PCSK5: variants seen among roughly 807,000 people sequenced by gnomAD.
PCSK5 encodes the protein proprotein convertase subtilisin/kexin type 5.
PCSK5 carries 129 observed loss-of-function variants against 233.2 expected under a neutral mutation model. That is an observed-to-expected ratio of 0.55 (90% CI 0.48 to 0.64). The LOEUF (loss-of-function observed/expected upper bound fraction) is 0.64, where lower values mean the gene tolerates loss of function less well. Among genes scored for constraint, PCSK5 ranks in the 30% least tolerant of loss-of-function variants. PCSK5 has a pLI of 0.00. For synonymous variants in PCSK5, 825 were observed against 879.2 expected (o/e 0.94, Z 1.09); for missense variants, 2,076 against 2,430.1 (o/e 0.85, Z 3.06).
chr9:76,336,136 T>C (rs1254308962), intron 34 of PCSK5, among the ~76,000 whole-genome samples: 1 of 152,158 alleles, frequency 6.6e-6, no homozygotes, highest in Non-Finnish European at 1.5e-5. Context: ...CACATAGTAG[T>C]CATTGTTCTT....
At chr9:76,053,834 A>T (rs1376520353) in intron 5 of PCSK5, among the ~76,000 whole-genome samples, 1 of 152,208 alleles carries the variant, frequency 6.6e-6, no homozygotes, top group Non-Finnish European at 1.5e-5. Context: ...ATACAGTTCC[A>T]AAGTCACTTC....
At position 76,071,619 on chromosome 9, in the gene PCSK5, G is replaced by A. The variant is rs565404384; in HGVS notation, c.722-107G>A. The A allele has an allele frequency of 4.8e-5, 43 of 900,412 alleles. No individual in the cohort carries two copies. The South Asian group carries it at 7.1e-4, about 15-fold the overall frequency. The allele number at this position is 900,412 out of a possible 1,614,324, so 55.8% of individuals were successfully genotyped here. A position where few individuals can be genotyped will look rare whatever the true frequency, so the allele number is the denominator to read the frequency against. On this transcript the variant is annotated intron_variant, in intron 6 of 37. Transcript: ENST00000674117. ...GCTGGGGGAAGATATGCTCACTTAA[G>A]TGTTGATTAAAAATGTATTCTTCCC... is the stretch of plus-strand genomic sequence containing the variant.
chr9:76,333,103 A>G (rs970493408), intron 34 of PCSK5, among the ~76,000 whole-genome samples: 8 of 152,224 alleles, frequency 5.3e-5, no homozygotes, highest in African/African-American at 1.9e-4. Flanking sequence ...ACTTGAACCC[A>G]GGAGTTGGAG....
intron 24 of PCSK5, among the ~76,000 whole-genome samples, chr9:76,253,236 C>T (rs1223798842): frequency 1.3e-5 from 2 of 150,832 alleles, no homozygotes; most frequent in East Asian, 3.9e-4. Flanking sequence ...CAGGATGCCT[C>T]TTCTTCTTCT....
chr9:75,913,396 T>C (rs968641667), intron 1 of PCSK5, among the ~76,000 whole-genome samples: 1 of 152,248 alleles, frequency 6.6e-6, no homozygotes, highest in Non-Finnish European at 1.5e-5. Context: ...GCCACACATA[T>C]ATGAGTATTT....
chr9:76,292,467 A>T (rs1399849400), intron 25 of PCSK5, among the ~76,000 whole-genome samples, 192 bp downstream of exon 25: 1 of 152,210 alleles, frequency 6.6e-6, no homozygotes, highest in African/African-American at 2.4e-5. Context: ...AAAGGAGGCC[A>T]TCTCTTTCTT....
intron 2 of PCSK5, among the ~76,000 whole-genome samples, chr9:75,962,125 C>A (rs1162277778): frequency 6.6e-5 from 1 of 15,084 alleles, no homozygotes; most frequent in Non-Finnish European, 1.5e-4. Context: ...GCTCAAGTAA[C>A]TGGGGGAGGG....
intron 8 of PCSK5, 90 bp from the exon 9 acceptor site, chr9:76,107,161 C>T (rs896447381): frequency 1.5e-6 from 1 of 676,192 alleles, no homozygotes; most frequent in Non-Finnish European, 2.5e-6. Flanking sequence ...TAACATATAC[C>T]CCCATTCTAT....
chr9:75,953,646 C>CTGTGTG (rs34234415), intron 2 of PCSK5, among the ~76,000 whole-genome samples: 1 of 149,794 alleles, frequency 6.7e-6, no homozygotes, highest in African/African-American at 2.4e-5. Flanking sequence ...GTGTGTGTGT[C>CTGTGTG]TGTGTGTGTG....
At chr9:76,286,153 T>G (rs1452531534) in intron 24 of PCSK5, among the ~76,000 whole-genome samples, 1 of 152,198 alleles carries the variant, frequency 6.6e-6, no homozygotes, top group Non-Finnish European at 1.5e-5. Context: ...TTTCCCCCCA[T>G]AAACAGAGAC....
intron 1 of PCSK5, among the ~76,000 whole-genome samples, chr9:75,919,389 G>T (rs1823144340): frequency 6.6e-6 from 1 of 152,134 alleles, no homozygotes; most frequent in South Asian, 2.1e-4. Flanking sequence ...CCAGTTTTTG[G>T]TGATTGACTA....
chr9:76,260,469 G>A (rs1313363360), intron 24 of PCSK5, among the ~76,000 whole-genome samples: 2 of 152,186 alleles, frequency 1.3e-5, no homozygotes, highest in African/African-American at 2.4e-5. Flanking sequence ...AAAGACAGAC[G>A]AGACAGGAGA....
At chr9:76,324,520 C>T (rs1198408622) in intron 32 of PCSK5, among the ~76,000 whole-genome samples, 6 of 152,038 alleles carry the variant, frequency 3.9e-5, no homozygotes, top group Admixed American at 1.3e-4. Flanking sequence ...TGTGAGCCAC[C>T]GCGCCCAGCC....
chr9:75,949,980 A>G (rs1000845771), intron 2 of PCSK5, among the ~76,000 whole-genome samples: 5 of 152,206 alleles, frequency 3.3e-5, no homozygotes, highest in East Asian at 1.9e-4. Context: ...TTATAACAGT[A>G]TCTGTAAGCC....
At chr9:76,139,794 TAAAC>T (rs1168172981) in intron 10 of PCSK5, among the ~76,000 whole-genome samples, 6 of 152,182 alleles carry the variant, frequency 3.9e-5, no homozygotes, top group Admixed American at 1.3e-4. Context: ...AAACAAAAAC[TAAAC>T]AAACAAACAA....
chr9:76,317,169 T>C (rs1829057907), intron 30 of PCSK5, among the ~76,000 whole-genome samples: 1 of 152,140 alleles, frequency 6.6e-6, no homozygotes, highest in Admixed American at 6.6e-5. Context: ...GAGACCAGCC[T>C]GGCCAACATG....
Position 76,010,009 on chromosome 9 carries a change from T to C in PCSK5, c.412-13729T>C, listed in dbSNP as rs570626718. On this transcript the variant is annotated intron_variant, in intron 3 of 37. Transcript: ENST00000674117. ...AAAGAGGTATACCAGTGACCCAGTT[T>C]TAGCCAAATAACAACTACCGATGAA... Among the ~76,000 whole-genome samples, 13 of 152,194 alleles carry C rather than the reference T, an allele frequency of 8.5e-5. 1 individual carries two copies. The South Asian group carries it at 1.5e-3, about 17-fold the overall frequency.
At chr9:76,047,100 C>CT (rs61399433) in intron 5 of PCSK5, among the ~76,000 whole-genome samples, 543 of 143,308 alleles carry the variant, frequency 3.8e-3, no homozygotes, top group Middle Eastern at 7.2e-3. Context: ...TCAAGGAAAT[C>CT]TTTTTTTTTT....
intron 30 of PCSK5, among the ~76,000 whole-genome samples, chr9:76,312,453 G>A (rs1237045803): frequency 6.6e-6 from 1 of 150,676 alleles, no homozygotes; most frequent in Non-Finnish European, 1.5e-5. Flanking sequence ...AGGTTGTGGT[G>A]AGCTAAGATC....
Sources: gnomAD v4.1 joint callset for allele counts (sites outside exome capture counted in the v4.1 genomes callset) on GRCh38, gnomAD v4.1.1 for gene constraint, MANE v1.5 for transcripts, NCBI Gene and HGNC (gene_info 2026-07-23, HGNC 2026-07-21) for gene names.